The following POU2F1 variants were observed in gnomAD, a reference collection of about 807,000 sequenced individuals.
The protein encoded by POU2F1 is POU domain, class 2, transcription factor 1.
In POU2F1, 16 loss-of-function variants were observed where a neutral mutation model predicts 84.9. The observed-to-expected ratio is 0.19, with a 90% CI of 0.13 to 0.29. The LOEUF (loss-of-function observed/expected upper bound fraction) is 0.29. POU2F1 is among the 10% of genes least tolerant of loss of function. The pLI is 1.00. For missense variants in POU2F1, 738 were observed against 942.6 expected (o/e 0.78, Z 2.84); for synonymous variants, 368 against 368.3 (o/e 1.00, Z 0.01).
rs555320262 is a variant in POU2F1, at chr1:167,247,711, G to A, written c.61+26753G>A. On this transcript the variant is annotated intron_variant, in intron 1 of 15. Coordinates refer to ENST00000367866, the MANE Select transcript of POU2F1 (RefSeq NM_002697.4). ...CTGTTGTTGGTCAGTAAGGTAAGTG[G>A]AATATGTCTTTATGACTTATTGGAA... 1.3e-3 allele frequency among the ~76,000 whole-genome samples: 203 copies of A among 152,180 alleles called. 1 individual carries two copies. The Middle Eastern group carries it at 0.031, about 23-fold the overall frequency.
At chr1:167,306,311 A>T (rs1258855729) in intron 1 of POU2F1, among the ~76,000 whole-genome samples, 5 of 152,240 alleles carry the variant, frequency 3.3e-5, no homozygotes, top group Non-Finnish European at 5.9e-5. Context: ...TAGTCCTAAC[A>T]CTATTAAGAC....
rs1571389916 is a variant in POU2F1 at position 167,372,149 on chromosome 1, C to T, written c.402+113C>T. 3.0e-6 allele frequency: 4 copies of T among 1,355,658 alleles called. No individual in the cohort carries two copies. The East Asian group carries it at 7.2e-5, about 24-fold the overall frequency. 84.0% of individuals were successfully genotyped at this position (1,355,658 alleles called of 1,614,324 possible). A position where few individuals can be genotyped will look rare whatever the true frequency, so the allele number is the denominator to read the frequency against. Reference sequence around the variant, plus strand: ...CTGGTAGTAACATGGCTATGCCTGGCACTATTGTGTCTTTAAGGAACTTCC... The same window carrying T: ...CTGGTAGTAACATGGCTATGCCTGGTACTATTGTGTCTTTAAGGAACTTCC... On this transcript the variant is annotated intron_variant, in intron 5 of 15. Transcript: ENST00000367866.
At chr1:167,233,138 A>AT (rs1203798759) in intron 1 of POU2F1, among the ~76,000 whole-genome samples, 4,294 of 140,548 alleles carry the variant, frequency 0.031, 86 homozygotes, top group African/African-American at 0.06. Context: ...TTATTTTTTA[A>AT]TTTTTTTTTT....
intron 1 of POU2F1, among the ~76,000 whole-genome samples, chr1:167,282,147 ATT>A (rs566582927): frequency 7.0e-6 from 1 of 143,368 alleles, no homozygotes; most frequent in Non-Finnish European, 1.5e-5. Context: ...TTTTTTTCTT[ATT>A]TTTTTTTTTT....
At chr1:167,360,935 TTTTA>T (rs1477339321) in intron 2 of POU2F1, among the ~76,000 whole-genome samples, 4 of 151,890 alleles carry the variant, frequency 2.6e-5, no homozygotes, top group South Asian at 4.1e-4. Flanking sequence ...TCCTAGCTGG[TTTTA>T]TTTTATTTTA....
chr1:167,415,220 C>G (rs6427087), intron 15 of POU2F1, among the ~76,000 whole-genome samples: 149,111 of 152,370 alleles, frequency 0.98, 72,988 homozygotes, highest in East Asian at 1. Flanking sequence ...TTTCAAGACA[C>G]GAACATGACT....
At chr1:167,286,935 A>G (rs1653572903) in intron 1 of POU2F1, among the ~76,000 whole-genome samples, 1 of 152,208 alleles carries the variant, frequency 6.6e-6, no homozygotes, top group African/African-American at 2.4e-5. Context: ...TCGAAGAGAA[A>G]AATTAATGGT....
chr1:167,254,270 A>C (rs1419425070), intron 1 of POU2F1, among the ~76,000 whole-genome samples: 2 of 152,196 alleles, frequency 1.3e-5, no homozygotes, highest in African/African-American at 2.4e-5. Context: ...TGGGAGTCTC[A>C]ATTCTATTTA....
chr1:167,255,189 C>G (rs1651039842), intron 1 of POU2F1, among the ~76,000 whole-genome samples: 1 of 152,138 alleles, frequency 6.6e-6, no homozygotes, highest in Non-Finnish European at 1.5e-5. Flanking sequence ...TAGGTAAATG[C>G]AGTAAAGTTT....
Position 167,412,278 on chromosome 1 carries a change from G to C in POU2F1, c.1875G>C (p.Leu625=), listed in dbSNP as rs890846780. Residue 625 remains leucine, a synonymous_variant, in exon 14 of 16, where the codon CTG becomes CTC. Transcript: ENST00000367866. The part of the protein sequence containing the change: ...MAAAAGLNPS[L]MAPSQFAAGG... ...CTGCTGCAGGACTAAACCCAAGCCTGATGGCACCCTCACAGTTTGCGGCTG... is the reference window on the plus strand; with the variant it reads ...CTGCTGCAGGACTAAACCCAAGCCTCATGGCACCCTCACAGTTTGCGGCTG... The C allele has an allele frequency of 3.2e-6, 5 of 1,563,212 alleles. No homozygotes were observed. Among genetic ancestry groups the C allele is most frequent in the Admixed American group, 1.9e-5 (1 of 53,010 alleles).
At chr1:167,220,980 A>G in intron 1 of POU2F1, 22 bp downstream of exon 1, 1 of 1,529,120 alleles carries the variant, frequency 6.5e-7, no homozygotes, top group South Asian at 1.2e-5. Context: ...AGCATTTTAC[A>G]TATTCATATT....
intron 2 of POU2F1, among the ~76,000 whole-genome samples, chr1:167,352,378 T>G (rs1354041837): frequency 6.6e-6 from 1 of 152,220 alleles, no homozygotes; most frequent in African/African-American, 2.4e-5. Context: ...GCCAGAATTC[T>G]ACTACTTTGT....
At chr1:167,285,175 G>A (rs905575575) in intron 1 of POU2F1, among the ~76,000 whole-genome samples, 5 of 152,144 alleles carry the variant, frequency 3.3e-5, no homozygotes, top group Admixed American at 1.3e-4. Flanking sequence ...GTAAAATAAT[G>A]ACTGCTTTAT....
chr1:167,281,135 T>A (rs1653105821), intron 1 of POU2F1, among the ~76,000 whole-genome samples: 2 of 152,162 alleles, frequency 1.3e-5, no homozygotes, highest in South Asian at 4.1e-4. Flanking sequence ...TCTCCAAAGG[T>A]CCATTTATAG....
In POU2F1 at chr1:167,418,782, C is replaced by T. The variant is rs1038371501; in HGVS notation, c.*2972C>T. 1 of 151,962 alleles carries T rather than the reference C, an allele frequency of 6.6e-6. No homozygotes were observed. The highest frequency in any genetic ancestry group is 2.4e-5 in the African/African-American group (1 of 41,362). The allele number at this position is 151,962 out of a possible 1,614,324, so 9.4% of individuals were successfully genotyped here. A position where few individuals can be genotyped will look rare whatever the true frequency, so the allele number is the denominator to read the frequency against. The stretch of plus-strand genomic sequence containing the variant: ...CAATACAGTGGTCTTTTATTCCCTG[C>T]CCTGTCTATATTTTCTACTCAATTT... On this transcript the variant is annotated 3_prime_UTR_variant, in exon 16 of 16. Transcript: ENST00000367866.
rs540935708 is a variant in POU2F1, at chr1:167,370,204, T to C, written c.272T>C (p.Leu91Ser). The stretch of plus-strand genomic sequence containing the variant: ...AGTTTACAGGCTGCTGCTCAGTCTT[T>C]AAATGTACAGGTAAGCTGGGACCTG... ...GTSLQAAAQS[L>S]NVQSKSNEES... is the part of the protein sequence containing the mutation. Residue 91 changes from leucine to serine, a missense_variant, in exon 4 of 16, where the codon TTA becomes TCA. Coordinates refer to ENST00000367866, the MANE Select transcript of POU2F1 (RefSeq NM_002697.4). The C allele has an allele frequency of 2.5e-6, 4 of 1,604,294 alleles. No individual in the cohort carries two copies. The highest frequency in any genetic ancestry group is 1.1e-5 in the South Asian group (1 of 89,412).
At chr1:167,381,546 A>G (rs930355514) in intron 7 of POU2F1, among the ~76,000 whole-genome samples, 1 of 144,716 alleles carries the variant, frequency 6.9e-6, no homozygotes, top group East Asian at 2.0e-4. Context: ...AGAAACTCCT[A>G]TGTTGAAATA....
intron 1 of POU2F1, among the ~76,000 whole-genome samples, chr1:167,282,282 T>A (rs1361970645): frequency 1.3e-5 from 2 of 152,042 alleles, no homozygotes; most frequent in Non-Finnish European, 2.9e-5. Context: ...TAGCTGGGAT[T>A]ACAGGCGCCC....
intron 12 of POU2F1, among the ~76,000 whole-genome samples, chr1:167,399,618 C>T (rs866739999): frequency 2.6e-5 from 4 of 151,996 alleles, no homozygotes; most frequent in East Asian, 1.9e-4. Flanking sequence ...GGTGAAATCT[C>T]GTGTTGTTAT....
Sources: allele counts gnomAD v4.1 joint callset (sites outside exome capture counted in the v4.1 genomes callset), GRCh38; gene constraint gnomAD v4.1.1; transcripts MANE v1.5; gene names NCBI Gene and HGNC (gene_info 2026-07-23, HGNC 2026-07-21).